Variants in KIDINS220 observed in about 807,000 individuals in gnomAD.
KIDINS220 encodes kinase D interacting substrate 220, also known as kinase D-interacting substrate of 220 kDa.
Under a neutral mutation model 157.6 loss-of-function variants are expected in KIDINS220, and 63 were observed. The ratio of observed to expected loss-of-function variants is 0.40; its 90% CI spans 0.33 to 0.49. The LOEUF is 0.49. KIDINS220 is among the 20% of genes least tolerant of loss of function. KIDINS220 has a pLI of 0.66. For synonymous variants in KIDINS220, 732 were observed against 783.6 expected, an observed-to-expected ratio of 0.93 and a Z score of 1.10; for missense variants, 1,772 against 2,171.2, an observed-to-expected ratio of 0.82 and a Z score of 3.65.
intron 15 of KIDINS220, among the ~76,000 whole-genome samples, chr2:8,788,098 T>C (rs1044823540): frequency 4.6e-5 from 7 of 152,168 alleles, no homozygotes; most frequent in African/African-American, 1.4e-4. Flanking sequence ...ATTTGGTAAA[T>C]AAAAGTTAAA....
intron 6 of KIDINS220, among the ~76,000 whole-genome samples, chr2:8,806,645 A>G (rs1675497284): frequency 6.6e-6 from 1 of 152,194 alleles, no homozygotes; most frequent in African/African-American, 2.4e-5. Flanking sequence ...CAGTAGTGCA[A>G]TCTTGGCTCA....
intron 23 of KIDINS220, among the ~76,000 whole-genome samples, chr2:8,750,617 C>T (rs1667215215): frequency 6.6e-6 from 1 of 152,190 alleles, no homozygotes; most frequent in African/African-American, 2.4e-5. Flanking sequence ...TTCTCTAACT[C>T]TTAAAGGATT....
intron 10 of KIDINS220, among the ~76,000 whole-genome samples, chr2:8,797,805 A>G (rs938380653): frequency 3.3e-5 from 5 of 152,202 alleles, no homozygotes; most frequent in African/African-American, 4.8e-5. Flanking sequence ...CACCAGTCAC[A>G]TGGTTATTTA....
At chr2:8,758,221 A>G (rs1427597478) in intron 22 of KIDINS220, among the ~76,000 whole-genome samples, 1 of 152,188 alleles carries the variant, frequency 6.6e-6, no homozygotes, top group Non-Finnish European at 1.5e-5. Context: ...GAATGTTAGT[A>G]ATGACTTTTC....
At chr2:8,749,000 A>G (rs774862472) in intron 24 of KIDINS220, among the ~76,000 whole-genome samples, 5 of 152,224 alleles carry the variant, frequency 3.3e-5, no homozygotes, top group Non-Finnish European at 5.9e-5. Flanking sequence ...GCAGATTTTA[A>G]GACTGGTAAA....
At chr2:8,806,615 C>T (rs12472126) in intron 6 of KIDINS220, among the ~76,000 whole-genome samples, 32,338 of 152,186 alleles carry the variant, frequency 0.21, 4,260 homozygotes, top group Middle Eastern at 0.32. Context: ...GAGTCTCACT[C>T]TGTCACCCAG....
Position 8,760,427 on chromosome 2 carries a change from G to A in KIDINS220, c.3012-8783C>T, listed in dbSNP as rs531626536. ...ACTTTCACCTAGTCAGAGAAGCAGA[G>A]AACACTTCAAATAATTATAAGAAAT... is the stretch of plus-strand genomic sequence containing the variant. On this transcript the variant is annotated intron_variant, in intron 22 of 29. Transcript: ENST00000256707. 4.5e-4 allele frequency among the ~76,000 whole-genome samples: 69 copies of A among 152,276 alleles called. 1 individual carries two copies. The highest frequency in any genetic ancestry group is 2.5e-4 in the Non-Finnish European group (17 of 68,014).
At position 8,736,625 on chromosome 2, in the gene KIDINS220, C is replaced by T. The variant is rs1238303964; in HGVS notation, c.3717+243G>A. On this transcript the variant is annotated intron_variant, in intron 27 of 29. Transcript: ENST00000256707. ...ATCAAGGCATTCTTTACTTGTATTA[C>T]GTCATTTAAAAAAGAACATGGTAAG... is the stretch of plus-strand genomic sequence containing the variant. Among the ~76,000 whole-genome samples, 6 of 152,252 alleles carry T rather than the reference C, an allele frequency of 3.9e-5. No individual in the cohort carries two copies. The South Asian group carries it at 6.2e-4, about 16-fold the overall frequency.
At chr2:8,793,552 A>C (rs529273354) in intron 12 of KIDINS220, among the ~76,000 whole-genome samples, 42 of 151,814 alleles carry the variant, frequency 2.8e-4, no homozygotes, top group Non-Finnish European at 5.0e-4. Context: ...AGATCCTCCC[A>C]CCTCAGCCTC....
intron 15 of KIDINS220, among the ~76,000 whole-genome samples, chr2:8,788,178 C>G (rs1027981956): frequency 2.0e-5 from 3 of 152,156 alleles, no homozygotes; most frequent in Admixed American, 1.3e-4. Context: ...TGAAGTGTTT[C>G]CCACGGTATT....
At chr2:8,721,159 T>C (rs1343609280), downstream of KIDINS220, 1 of 152,174 alleles carries the variant, frequency 6.6e-6, no homozygotes, top group Non-Finnish European at 1.5e-5. Context: ...ATATATTACT[T>C]ATATATTAAC....
chr2:8,812,336 A>G (rs1676438161), intron 6 of KIDINS220, 59 bp downstream of exon 6: 1 of 766,056 alleles, frequency 1.3e-6, no homozygotes, highest in Non-Finnish European at 2.1e-6. Context: ...AATGTTTATA[A>G]CTTAGACACT....
At position 8,733,601 on chromosome 2, in the gene KIDINS220, G is replaced by C. The variant is rs76164009; in HGVS notation, c.3896C>G (p.Ala1299Gly). ...RFLSESSSGP[A>G]PHGEPARRAS... ...GCGGCGAGCAGGCTCACCGTGCGGG[G>C]CTGGGCCACTGCTGCTCTCACTGAG... Residue 1299 changes from alanine to glycine, a missense_variant, in exon 29 of 30, where the codon GCC becomes GGC. By Grantham distance (60) the Ala-to-Gly change is moderately conservative. Coordinates refer to ENST00000256707, the MANE Select transcript of KIDINS220 (RefSeq NM_020738.4). The C allele has an allele frequency of 8.6e-4, 1,385 of 1,614,024 alleles. 14 individuals carry two copies. In the African/African-American group the frequency reaches 0.017, roughly 20 times the overall value.
At chr2:8,805,000 C>G (rs1178737601) in intron 7 of KIDINS220, among the ~76,000 whole-genome samples, 1 of 152,168 alleles carries the variant, frequency 6.6e-6, no homozygotes, top group African/African-American at 2.4e-5. Context: ...CTCCCACAAC[C>G]CCCTCCTTGG....
At chr2:8,833,602 C>T (rs572023497) in intron 1 of KIDINS220, among the ~76,000 whole-genome samples, 1 of 151,432 alleles carries the variant, frequency 6.6e-6, no homozygotes, top group African/African-American at 2.4e-5. Flanking sequence ...CGTTCTATAC[C>T]AAATACCCAA....
chr2:8,769,399 G>A (rs1669888731), intron 22 of KIDINS220, among the ~76,000 whole-genome samples: 1 of 152,074 alleles, frequency 6.6e-6, no homozygotes, highest in Non-Finnish European at 1.5e-5. Flanking sequence ...TTCCACTACT[G>A]TTTCTTAAGA....
At chr2:8,768,207 T>C (rs1433977878) in intron 22 of KIDINS220, among the ~76,000 whole-genome samples, 1 of 152,130 alleles carries the variant, frequency 6.6e-6, no homozygotes, top group Non-Finnish European at 1.5e-5. Context: ...CAAAAAATTT[T>C]TAGTTTTTAT....
chr2:8,781,015 G>A (rs1671645680), intron 17 of KIDINS220, among the ~76,000 whole-genome samples: 1 of 151,250 alleles, frequency 6.6e-6, no homozygotes, highest in Non-Finnish European at 1.5e-5. Flanking sequence ...AAAAATAAGA[G>A]CTAATTGTAT....
At chr2:8,726,763 G>A (rs186325187), downstream of KIDINS220, 1 of 421,440 alleles carries the variant, frequency 2.4e-6, no homozygotes, top group East Asian at 7.2e-5. Flanking sequence ...ATAGAAAAAG[G>A]ACGGTAAAAA....
Sources: gnomAD v4.1 joint callset for allele counts (sites outside exome capture counted in the v4.1 genomes callset) on GRCh38, gnomAD v4.1.1 for gene constraint, MANE v1.5 for transcripts, NCBI Gene and HGNC (gene_info 2026-07-23, HGNC 2026-07-21) for gene names.